CDH13: variants seen among roughly 807,000 people sequenced by gnomAD.
CDH13 encodes the protein cadherin-13.
In CDH13, 24 loss-of-function variants were observed where a neutral mutation model predicts 63.8. The observed-to-expected ratio is 0.38, with a 90% CI of 0.27 to 0.53. CDH13 has a LOEUF of 0.53. Among genes scored for constraint, CDH13 ranks in the 20% least tolerant of loss-of-function variants. The probability of loss-of-function intolerance (pLI) is 0.85; values close to 1 mark genes in which losing one functional copy is unlikely to be tolerated. For missense variants in CDH13, 1,049 were observed against 903.1 expected, an observed-to-expected ratio of 1.16 and a Z score of -2.07; for synonymous variants, 503 against 355.3, an observed-to-expected ratio of 1.42 and a Z score of -4.67.
chr16:82,914,539 C>G (rs943138579), intron 2 of CDH13, among the ~76,000 whole-genome samples: 28 of 152,126 alleles, frequency 1.8e-4, no homozygotes, highest in African/African-American at 6.5e-4. Context: ...CCCAGACACT[C>G]CTAAGTAGTT....
At chr16:83,202,726 C>T (rs754001626) in intron 4 of CDH13, among the ~76,000 whole-genome samples, 11 of 152,130 alleles carry the variant, frequency 7.2e-5, no homozygotes, top group Non-Finnish European at 1.3e-4. Flanking sequence ...TTCAGTTGTT[C>T]ATGTTGATTA....
intron 5 of CDH13, among the ~76,000 whole-genome samples, chr16:83,252,703 T>C (rs545606074): frequency 6.6e-6 from 1 of 152,258 alleles, no homozygotes; most frequent in East Asian, 1.9e-4. Flanking sequence ...TTGGTGGAGA[T>C]GTTTTTGAGT....
chr16:83,710,675 A>G (rs1907901372), intron 10 of CDH13: 1 of 152,218 alleles, frequency 6.6e-6, no homozygotes, highest in African/African-American at 2.4e-5. Flanking sequence ...TTGACTCACC[A>G]TCTCTAAACC....
chr16:83,607,661 T>G (rs2150758031), intron 8 of CDH13, among the ~76,000 whole-genome samples: 1 of 152,306 alleles, frequency 6.6e-6, no homozygotes, highest in Admixed American at 6.5e-5. Flanking sequence ...TGAAATCAAT[T>G]TTCAGTCATT....
At chr16:83,325,821 C>G (rs2090347398) in intron 5 of CDH13, among the ~76,000 whole-genome samples, 1 of 152,160 alleles carries the variant, frequency 6.6e-6, no homozygotes, top group African/African-American at 2.4e-5. Flanking sequence ...CACTCTATCT[C>G]ATCACTGAAT....
intron 2 of CDH13, among the ~76,000 whole-genome samples, chr16:83,023,815 G>A (rs768481075): frequency 6.6e-6 from 1 of 152,126 alleles, no homozygotes; most frequent in African/African-American, 2.4e-5. Context: ...AGGAAATTTA[G>A]GATATGATTA....
At chr16:83,001,582 A>T (rs1005000945) in intron 2 of CDH13, among the ~76,000 whole-genome samples, 4 of 152,200 alleles carry the variant, frequency 2.6e-5, no homozygotes, top group Non-Finnish European at 2.9e-5. Flanking sequence ...GGAGGTATTT[A>T]TGTAAATCAG....
intron 6 of CDH13, among the ~76,000 whole-genome samples, chr16:83,483,911 G>A (rs1286717599): frequency 6.6e-6 from 1 of 152,196 alleles, no homozygotes; most frequent in Non-Finnish European, 1.5e-5. Context: ...ACAGAGTCAT[G>A]CTGTTCCTGC....
intron 10 of CDH13, among the ~76,000 whole-genome samples, chr16:83,737,838 G>C (rs535424676): frequency 5.9e-5 from 9 of 152,336 alleles, no homozygotes; most frequent in African/African-American, 2.2e-4. Context: ...GGGAGGCAGA[G>C]ATCCACATTG....
chr16:83,399,524 G>T (rs1169293119), intron 6 of CDH13, among the ~76,000 whole-genome samples: 1 of 152,112 alleles, frequency 6.6e-6, no homozygotes, highest in African/African-American at 2.4e-5. Flanking sequence ...GTCTTCTTCA[G>T]TGTGACCTTG....
intron 7 of CDH13, among the ~76,000 whole-genome samples, chr16:83,563,829 C>T (rs1365966103): frequency 1.3e-5 from 2 of 152,120 alleles, no homozygotes; most frequent in South Asian, 2.1e-4. Flanking sequence ...CCATCTCTCT[C>T]GGTAACTTGG....
intron 5 of CDH13, among the ~76,000 whole-genome samples, chr16:83,220,815 T>C (rs1473397923): frequency 6.6e-6 from 1 of 152,234 alleles, no homozygotes; most frequent in East Asian, 1.9e-4. Context: ...AGAAATATTT[T>C]GATCTAAACC....
rs903169913 is a variant in CDH13, at chr16:83,759,471, C to G, written c.1681+11221C>G. The stretch of plus-strand genomic sequence containing the variant: ...AAAAACATATGAGAACATATATGTC[C>G]TTTGTGTAAGCAAAGCTTTTCGTAA... On this transcript the variant is annotated intron_variant, in intron 11 of 13. Coordinates refer to ENST00000567109, the MANE Select transcript of CDH13 (RefSeq NM_001257.5). Among the ~76,000 whole-genome samples, 4 of 151,764 alleles carry G rather than the reference C, an allele frequency of 2.6e-5. No homozygotes were observed. The South Asian group carries it at 8.3e-4, about 32-fold the overall frequency.
intron 5 of CDH13, among the ~76,000 whole-genome samples, chr16:83,262,304 T>G (rs1472721985): frequency 1.3e-5 from 2 of 152,164 alleles, no homozygotes; most frequent in African/African-American, 2.4e-5. Flanking sequence ...GGGGAGGACA[T>G]TAAGTCTGCA....
At chr16:82,648,178 A>G (rs1910320067) in intron 1 of CDH13, among the ~76,000 whole-genome samples, 1 of 152,226 alleles carries the variant, frequency 6.6e-6, no homozygotes, top group Admixed American at 6.5e-5. Flanking sequence ...TAGCAGTTTG[A>G]AAATGGACTA....
intron 1 of CDH13, chr16:82,688,901 G>A (rs534366749): frequency 6.6e-6 from 1 of 152,292 alleles, no homozygotes; most frequent in African/African-American, 2.4e-5. Context: ...GGACCAAATA[G>A]GACCCAGAGA....
chr16:82,800,424 T>C (rs1024641280), intron 1 of CDH13, among the ~76,000 whole-genome samples: 27 of 152,122 alleles, frequency 1.8e-4, no homozygotes, highest in African/African-American at 6.3e-4. Context: ...ACCCAAATCA[T>C]AAATCAGAGT....
Position 83,783,338 on chromosome 16 carries a change from C to T in CDH13, c.2000C>T (p.Pro667Leu), listed in dbSNP as rs371552572. 4 of 1,613,886 alleles carry T rather than the reference C, an allele frequency of 2.5e-6. No individual in the cohort carries two copies. Among genetic ancestry groups the T allele is most frequent in the Non-Finnish European group, 3.4e-6 (4 of 1,179,804 alleles). Residue 667 changes from proline to leucine, a missense_variant, in exon 13 of 14, where the codon CCA becomes CTA. Coordinates refer to ENST00000567109, the MANE Select transcript of CDH13 (RefSeq NM_001257.5). ...LPIMVTDSGKPPMTNITDLRV... is the reference protein window; with the variant it reads ...LPIMVTDSGKLPMTNITDLRV... ...ATCATGGTGACAGATTCAGGGAAAC[C>T]ACCCATGACGAATATCACAGATCTC... is the stretch of plus-strand genomic sequence containing the variant.
At chr16:83,219,989 C>T (rs1004592648) in intron 5 of CDH13, among the ~76,000 whole-genome samples, 1 of 152,184 alleles carries the variant, frequency 6.6e-6, no homozygotes, top group Non-Finnish European at 1.5e-5. Context: ...CATATACCCT[C>T]ATTGGAAAGG....
Sources: gnomAD v4.1 joint callset for allele counts (sites outside exome capture counted in the v4.1 genomes callset) on GRCh38, gnomAD v4.1.1 for gene constraint, MANE v1.5 for transcripts, NCBI Gene and HGNC (gene_info 2026-07-23, HGNC 2026-07-21) for gene names.